The following FLNB variants were observed in gnomAD, a reference collection of about 807,000 sequenced individuals.
The protein encoded by FLNB is filamin B.
FLNB carries 111 observed loss-of-function variants against 250.6 expected under a neutral mutation model. That is an observed-to-expected ratio of 0.44 (90% CI 0.38 to 0.52). FLNB has a LOEUF of 0.52. Among genes scored for constraint, FLNB ranks in the 20% least tolerant of loss-of-function variants. The pLI, the probability that FLNB is intolerant of heterozygous loss-of-function variation, is 0.00. For synonymous variants in FLNB, 1,302 were observed against 1,372.1 expected, an observed-to-expected ratio of 0.95 and a Z score of 1.13; for missense variants, 2,869 against 3,447.8, an observed-to-expected ratio of 0.83 and a Z score of 4.20.
chr3:58,136,746 C>CTTTTTTTTTTTTTTTTTTTTTTTTTTTTT lies in FLNB; in HGVS notation c.4861+601_4861+602insTTTTTTTTTTTTTTTTTTTTTTTTTTTTT, dbSNP rs57053256. ...CAACTATTGACTGTCACAGGCCATT[C>CTTTTTTTTTTTTTTTTTTTTTTTTTTTTT]TTTTTTTTTTTTTTTTTTTTTTTGA... is the stretch of plus-strand genomic sequence containing the variant. On this transcript the variant is annotated intron_variant, in intron 28 of 45. Transcript: ENST00000295956. 3.8e-5 allele frequency among the ~76,000 whole-genome samples: 3 copies of CTTTTTTTTTTTTTTTTTTTTTTTTTTTTT among 79,798 alleles called. 1 individual carries two copies. The highest frequency in any genetic ancestry group is 1.7e-4 in the African/African-American group (3 of 18,180). The allele number at this position is 79,798 out of a possible 152,430, so 52.4% of individuals were successfully genotyped here.
chr3:58,150,081 C>G (rs769043384), intron 37 of FLNB, 24 bp from the exon 38 acceptor site: 2 of 1,613,752 alleles, frequency 1.2e-6, no homozygotes, highest in Non-Finnish European at 1.7e-6. Context: ...GGCCTGCTCA[C>G]AGGAGCCTTC....
intron 2 of FLNB, chr3:58,078,355 C>A: frequency 6.7e-7 from 1 of 1,487,536 alleles, no homozygotes; most frequent in Non-Finnish European, 8.9e-7. Context: ...GGATGCTATT[C>A]TAGACTTTTT....
chr3:58,111,827 C>G lies in FLNB; in HGVS notation c.2521C>G (p.Pro841Ala). The stretch of plus-strand genomic sequence containing the variant: ...CAGCCCTTTCAGAGTCAAAGTTGAC[C>G]CTTCCCACGATGCCAGCAAAGTGAA... Reference protein sequence around the residue: ...PASPFRVKVDPSHDASKVKAE... With the variant: ...PASPFRVKVDASHDASKVKAE... Residue 841 changes from proline to alanine, a missense_variant, in exon 17 of 46, where the codon CCT (proline) becomes GCT (alanine). Around this residue, in one of 5 missense-constraint regions of FLNB, gnomAD observed 1,348 missense variants for 1,466.7 expected, o/e 0.92. Coordinates refer to ENST00000295956, the MANE Select transcript of FLNB (RefSeq NM_001457.4). 7 of 1,614,114 alleles carry G rather than the reference C, an allele frequency of 4.3e-6. No homozygotes were observed. Among genetic ancestry groups the G allele is most frequent in the Non-Finnish European group, 5.9e-6 (7 of 1,179,992 alleles).
chr3:58,040,573 C>G (rs2097144712), intron 1 of FLNB, among the ~76,000 whole-genome samples: 1 of 152,218 alleles, frequency 6.6e-6, no homozygotes, highest in South Asian at 2.1e-4. Flanking sequence ...CGGCTCACTG[C>G]AACCTCCGTC....
rs922876200 is a variant in FLNB at position 58,126,598 on chromosome 3, C to A, written c.4062-4C>A. The A allele has an allele frequency of 5.0e-6, 8 of 1,613,706 alleles. No homozygotes were observed. The highest frequency in any genetic ancestry group is 6.8e-6 in the Non-Finnish European group (8 of 1,179,848). Reference sequence around the variant, plus strand: ...CATTTCACTTTCTTTTCCACTCTTTCCAGAGGCGCAGGAATTGGTGGGCTT... The same window carrying A: ...CATTTCACTTTCTTTTCCACTCTTTACAGAGGCGCAGGAATTGGTGGGCTT... On this transcript the variant is annotated splice_region_variant and splice_polypyrimidine_tract_variant and intron_variant, in intron 23 of 45. Transcript: ENST00000295956.
rs186475783 is a variant in FLNB, at chr3:58,080,063, G to A, written c.639+1249G>A. Among the ~76,000 whole-genome samples, 11 of 152,264 alleles carry A rather than the reference G, an allele frequency of 7.2e-5. No homozygotes were observed. The Middle Eastern group carries it at 0.01, about 141-fold the overall frequency. On this transcript the variant is annotated intron_variant, in intron 3 of 45. Coordinates refer to ENST00000295956, the MANE Select transcript of FLNB (RefSeq NM_001457.4). ...TAAACCGTCTCCTTTTTACGTTCAC[G>A]TGATGTTGGCATGGGTGAAGTTGTT...
At chr3:58,104,212 T>C in intron 10 of FLNB, 127 bp downstream of exon 10, 2 of 960,766 alleles carry the variant, frequency 2.1e-6, no homozygotes, top group Non-Finnish European at 3.0e-6. Flanking sequence ...TTTTTTTTTT[T>C]TTTCGGAGCA....
At chr3:58,024,200 C>T (rs551364797) in intron 1 of FLNB, among the ~76,000 whole-genome samples, 2 of 152,272 alleles carry the variant, frequency 1.3e-5, no homozygotes, top group African/African-American at 4.8e-5. Context: ...CAGCCACTTC[C>T]GGAGTGCTTC....
intron 12 of FLNB, among the ~76,000 whole-genome samples, chr3:58,107,325 C>A (rs1197651692): frequency 3.3e-5 from 5 of 152,206 alleles, no homozygotes; most frequent in Non-Finnish European, 2.9e-5. Context: ...AGCCTCCACA[C>A]CCAGCCCAGG....
chr3:58,126,495 G>C, intron 23 of FLNB, 107 bp from the exon 24 acceptor site: 1 of 1,009,314 alleles, frequency 9.9e-7, no homozygotes, highest in Non-Finnish European at 1.6e-6. Flanking sequence ...TTGAGTTGGG[G>C]TGGCTACGTG....
intron 40 of FLNB, among the ~76,000 whole-genome samples, chr3:58,155,298 G>A (rs2097351603): frequency 6.6e-6 from 1 of 152,236 alleles, no homozygotes. Flanking sequence ...GTGTGCCATT[G>A]ACTCTTGCCA....
intron 34 of FLNB, 48 bp from the exon 35 acceptor site, chr3:58,148,158 C>G (rs746157342): frequency 3.1e-6 from 5 of 1,602,242 alleles, no homozygotes; most frequent in Non-Finnish European, 4.3e-6. Flanking sequence ...TCTGTGAAGC[C>G]AGGGTAACCA....
rs769187986 is a variant in FLNB, at chr3:58,105,246, TGGAGGACTGAGGATTACAG to T, written c.1747+33_1747+51del. On this transcript the variant is annotated intron_variant, in intron 11 of 45. Coordinates refer to ENST00000295956, the MANE Select transcript of FLNB (RefSeq NM_001457.4). ...GTGGACACAGCTGACCAGCATCTTC[TGGAGGACTGAGGATTACAG>T]GGCTTCCGGGCTGTGTCAGGCTGGA... 11 of 1,613,954 alleles carry T rather than the reference TGGAGGACTGAGGATTACAG, an allele frequency of 6.8e-6. No individual in the cohort carries two copies. In the East Asian group the frequency reaches 2.0e-4, roughly 29 times the overall value.
chr3:58,077,043 C>T lies in FLNB; in HGVS notation c.293-3C>T, dbSNP rs1470116127. ...ATGACCAAGCCTGTGCTTCTCTCCCCAGATAGCAAAGCCATTGTGGATGGG... is the reference window on the plus strand; with the variant it reads ...ATGACCAAGCCTGTGCTTCTCTCCCTAGATAGCAAAGCCATTGTGGATGGG... On this transcript the variant is annotated splice_region_variant and splice_polypyrimidine_tract_variant and intron_variant, in intron 1 of 45. Transcript: ENST00000295956. 3.1e-6 allele frequency: 5 copies of T among 1,614,002 alleles called. No individual in the cohort carries two copies. Among genetic ancestry groups the T allele is most frequent in the Non-Finnish European group, 3.4e-6 (4 of 1,180,006 alleles).
At position 58,123,748 on chromosome 3, in the gene FLNB, T is replaced by C. The variant is rs887650884; in HGVS notation, c.3724+58T>C. On this transcript the variant is annotated intron_variant, in intron 21 of 45. Coordinates refer to ENST00000295956, the MANE Select transcript of FLNB (RefSeq NM_001457.4). ...AAAAGACAAGCTGGGACTTAAGGGC[T>C]ACCTGAAACTTGGAGCTGCAAACTC... 31 of 1,439,798 alleles carry C rather than the reference T, an allele frequency of 2.2e-5. No homozygotes were observed. In the Admixed American group the frequency reaches 6.1e-4, roughly 28 times the overall value. The allele number at this position is 1,439,798 out of a possible 1,614,324, so 89.2% of individuals were successfully genotyped here.
chr3:58,136,127 G>C lies in FLNB; in HGVS notation c.4820G>C (p.Arg1607Pro). ...ATCCCACTTTCTCCTTATCGCATCC[G>C]AGCCACACAGACGGGTGATGCCAGC... Reference protein sequence around the residue: ...DDIPLSPYRIRATQTGDASKC... With the variant: ...DDIPLSPYRIPATQTGDASKC... Residue 1607 changes from arginine (R) to proline (P), a missense_variant, in exon 28 of 46, where the codon CGA becomes CCA. Transcript: ENST00000295956. 2 of 1,614,164 alleles carry C rather than the reference G, an allele frequency of 1.2e-6. No homozygotes were observed. Among genetic ancestry groups the C allele is most frequent in the Admixed American group, 1.7e-5 (1 of 60,018 alleles).
chr3:58,109,652 C>A lies in FLNB; in HGVS notation c.2276C>A (p.Ala759Glu). 6.2e-7 allele frequency: 1 copy of A among 1,614,082 alleles called. No individual in the cohort carries two copies. The highest frequency in any genetic ancestry group is 8.5e-7 in the Non-Finnish European group (1 of 1,180,016). ...GPGVERSGLK[A>E]NEPTHFTVDC... ...GGTGTGGAGAGAAGTGGTCTGAAGG[C>A]AAATGAACCTACACACTTCACGGTG... Residue 759 changes from alanine (A) to glutamate (E), a missense_variant, in exon 15 of 46, where the codon GCA (alanine) becomes GAA (glutamate). Ala to Glu is a moderately radical substitution (Grantham distance 107, BLOSUM62 -1). Transcript: ENST00000295956.
chr3:58,071,151 T>C (rs2097193853), intron 1 of FLNB, among the ~76,000 whole-genome samples: 1 of 151,734 alleles, frequency 6.6e-6, no homozygotes, highest in Non-Finnish European at 1.5e-5. Flanking sequence ...AGGGTGTCCC[T>C]ATGTTGCCCA....
chr3:58,038,955 G>A (rs2097142122), intron 1 of FLNB, among the ~76,000 whole-genome samples: 2 of 151,710 alleles, frequency 1.3e-5, no homozygotes, highest in Non-Finnish European at 2.9e-5. Context: ...GGCTGGGCAT[G>A]GTGGCTCATG....
Sources: allele counts gnomAD v4.1 joint callset (sites outside exome capture counted in the v4.1 genomes callset), GRCh38; gene constraint gnomAD v4.1.1; regional missense constraint gnomAD v4.1.1; transcripts MANE v1.5; gene names NCBI Gene and HGNC (gene_info 2026-07-23, HGNC 2026-07-21).